TTC38: variants seen among roughly 807,000 people sequenced by gnomAD.
TTC38 encodes the protein tetratricopeptide repeat protein 38.
In TTC38, 64 loss-of-function variants were observed where a neutral mutation model predicts 64.2. The observed-to-expected ratio is 1.00, with a 90% CI of 0.81 to 1.23. TTC38 has a LOEUF of 1.23. Among genes scored for constraint, TTC38 ranks in the 50% most tolerant of loss-of-function variants. The pLI, the probability that TTC38 is intolerant of heterozygous loss-of-function variation, is 0.00. For missense variants in TTC38, 573 were observed against 615.5 expected, an observed-to-expected ratio of 0.93 and a Z score of 0.73; for synonymous variants, 254 against 249.3, an observed-to-expected ratio of 1.02 and a Z score of -0.18.
Position 46,273,451 on chromosome 22 carries a change from C to G in TTC38, c.194-447C>G, listed in dbSNP as rs541790454. On this transcript the variant is annotated intron_variant, in intron 3 of 13. Coordinates refer to ENST00000381031, the MANE Select transcript of TTC38 (RefSeq NM_017931.4). This position sits in a 1 kb window ranked among gnomAD's most constrained non-coding sequence, Gnocchi z 5.1. ...GGGCCACAAGGCACTCACCCCCACC[C>G]TAACTTTTAGCATGTGTGAGCAGCA... 8.5e-5 allele frequency among the ~76,000 whole-genome samples: 13 copies of G among 152,362 alleles called. No individual in the cohort carries two copies. Among genetic ancestry groups the G allele is most frequent in the South Asian group, 2.1e-4 (1 of 4,830 alleles).
chr22:46,289,643 T>C, intron 12 of TTC38, 82 bp downstream of exon 12: 1 of 1,511,394 alleles, frequency 6.6e-7, no homozygotes, highest in Non-Finnish European at 9.0e-7. Context: ...GTTTCTCCCA[T>C]GGTGTTGGTG....
At chr22:46,285,529 A>G (rs942998591) in intron 9 of TTC38, among the ~76,000 whole-genome samples, 7 of 151,802 alleles carry the variant, frequency 4.6e-5, no homozygotes, top group Non-Finnish European at 8.8e-5. Flanking sequence ...TAAGGGCCTC[A>G]CCTCTGCAAT....
chr22:46,269,020 T>C, intron 2 of TTC38: 1 of 358,792 alleles, frequency 2.8e-6, no homozygotes, highest in Non-Finnish European at 5.7e-6. Context: ...GCCATGACCT[T>C]AGCAATAGAT....
chr22:46,288,373 A>G lies in TTC38; in HGVS notation c.917-50A>G, dbSNP rs113078055. The G allele has an allele frequency of 8.4e-5, 132 of 1,573,532 alleles. No individual in the cohort carries two copies. The African/African-American group carries it at 1.3e-3, about 16-fold the overall frequency. ...CGTGAGGGAGGCCCTTGCACGGGACATGCCCCAGAGCCTCACTCCAGGCCC... is the reference window on the plus strand; with the variant it reads ...CGTGAGGGAGGCCCTTGCACGGGACGTGCCCCAGAGCCTCACTCCAGGCCC... On this transcript the variant is annotated intron_variant, in intron 10 of 13. Transcript: ENST00000381031.
At position 46,276,004 on chromosome 22, in the gene TTC38, T is replaced by C. The variant is rs551622999; in HGVS notation, c.539+583T>C. On this transcript the variant is annotated intron_variant, in intron 5 of 13. Transcript: ENST00000381031. The surrounding 1 kb of genome is among the most constrained non-coding windows in gnomAD (Gnocchi z 4.7). ...AAGAGAAGAAGGCCTGGAATGTGCA[T>C]GAACAGCCCCAGTGACCACCACACA... Among the ~76,000 whole-genome samples the C allele has an allele frequency of 6.6e-6, 1 of 151,690 alleles. No individual in the cohort carries two copies. The highest frequency in any genetic ancestry group is 1.5e-5 in the Non-Finnish European group (1 of 67,572).
Position 46,292,061 on chromosome 22 carries a change from G to T in TTC38, c.1317-730G>T. 3.1e-6 allele frequency: 1 copy of T among 324,628 alleles called. No homozygotes were observed. The highest frequency in any genetic ancestry group is 6.0e-6 in the Non-Finnish European group (1 of 165,530). The allele number at this position is 324,628 out of a possible 1,614,324, so 20.1% of individuals were successfully genotyped here. A position where few individuals can be genotyped will look rare whatever the true frequency, so the allele number is the denominator to read the frequency against. On this transcript the variant is annotated intron_variant, in intron 13 of 13. Coordinates refer to ENST00000381031, the MANE Select transcript of TTC38 (RefSeq NM_017931.4). This position sits in a 1 kb window ranked among gnomAD's most constrained non-coding sequence, Gnocchi z 6.5. Reference sequence around the variant, plus strand: ...AATGTCCAGGAACAAGGCCTGGCTGGGTTCAGTTTCTGCTGAGGCCTCTCT... The same window carrying T: ...AATGTCCAGGAACAAGGCCTGGCTGTGTTCAGTTTCTGCTGAGGCCTCTCT...
Position 46,281,873 on chromosome 22 carries a change from G to A in TTC38, c.735+155G>A, listed in dbSNP as rs191358589. The A allele has an allele frequency of 1.6e-5, 16 of 1,005,298 alleles. No homozygotes were observed. In the East Asian group the frequency reaches 3.6e-4, roughly 23 times the overall value. 62.3% of individuals were successfully genotyped at this position (1,005,298 alleles called of 1,614,324 possible). A position where few individuals can be genotyped will look rare whatever the true frequency, so the allele number is the denominator to read the frequency against. On this transcript the variant is annotated intron_variant, in intron 7 of 13. Transcript: ENST00000381031. The surrounding 1 kb of genome is among the most constrained non-coding windows in gnomAD (Gnocchi z 5.2). ...CACCTGCCTCAGGTGTTTGGCTGCTGAGCAGAATGCAATCAAGATTCCAGT... is the reference window on the plus strand; with the variant it reads ...CACCTGCCTCAGGTGTTTGGCTGCTAAGCAGAATGCAATCAAGATTCCAGT...
chr22:46,285,015 A>C (rs896493466), intron 8 of TTC38, among the ~76,000 whole-genome samples: 4 of 152,162 alleles, frequency 2.6e-5, no homozygotes, highest in African/African-American at 7.2e-5. Context: ...GTGGCGGCAC[A>C]GGTGCTGCTG....
chr22:46,290,023 G>C (rs553578211), intron 13 of TTC38, 124 bp downstream of exon 13: 2 of 857,902 alleles, frequency 2.3e-6, no homozygotes, highest in African/African-American at 3.3e-5. Context: ...CTGTGAGGTC[G>C]GGAGGCTGTG....
At position 46,281,610 on chromosome 22, in the gene TTC38, T is replaced by G. The variant is rs983777003; in HGVS notation, c.627T>G (p.Ile209Met). The change falls in exon 7 of 14, where the codon ATT (isoleucine) becomes ATG (methionine). Residue 209 changes from isoleucine to methionine, a missense_variant. Ile to Met is a conservative substitution (Grantham distance 10). Around this residue, in one of 3 missense-constraint regions of TTC38, gnomAD observed 371 missense variants for 381.8 expected, o/e 0.97. Coordinates refer to ENST00000381031, the MANE Select transcript of TTC38 (RefSeq NM_017931.4). This position sits in a 1 kb window ranked among gnomAD's most constrained non-coding sequence, Gnocchi z 5.2. The stretch of plus-strand genomic sequence containing the variant: ...CGCACCCTGCGTAGGCTTTATCTAT[T>G]AACCCGACAGACGCATGGTCGGTGC... The part of the protein sequence containing the change: ...AEKLAKEALS[I>M]NPTDAWSVHT... 4 of 1,614,120 alleles carry G rather than the reference T, an allele frequency of 2.5e-6. No individual in the cohort carries two copies.
rs1170683905 is a variant in TTC38 at position 46,289,473 on chromosome 22, A to G, written c.1154A>G (p.Glu385Gly). ...VGLPLCQALV[E>G]AEDGNPDRVL... ...CTGCCCCTGTGCCAGGCCCTGGTGG[A>G]GGCTGAGGACGGGAACCCTGACCGC... The change falls in exon 12 of 14, where the codon GAG (glutamate) becomes GGG (glycine). Residue 385 changes from glutamate to glycine, a missense_variant. Transcript: ENST00000381031. 5.6e-6 allele frequency: 9 copies of G among 1,609,200 alleles called. No homozygotes were observed. Among genetic ancestry groups the G allele is most frequent in the Non-Finnish European group, 6.8e-6 (8 of 1,179,700 alleles).
intron 9 of TTC38, among the ~76,000 whole-genome samples, chr22:46,286,014 C>CAAAAAAAAAAA (rs573736869): frequency 6.8e-5 from 5 of 73,978 alleles, no homozygotes; most frequent in African/African-American, 1.1e-4. Flanking sequence ...GACTCTGTCT[C>CAAAAAAAAAAA]AAAAAAAAAA....
chr22:46,292,258 A>G lies in TTC38; in HGVS notation c.1317-533A>G, dbSNP rs1212673906. The stretch of plus-strand genomic sequence containing the variant: ...GAATGCAGTGGTGTGATCACAGTTC[A>G]CTGTAAACTCAAACTCCTGGGCTCA... On this transcript the variant is annotated intron_variant, in intron 13 of 13. Coordinates refer to ENST00000381031, the MANE Select transcript of TTC38 (RefSeq NM_017931.4). The surrounding 1 kb of genome is among the most constrained non-coding windows in gnomAD (Gnocchi z 6.5). The G allele has an allele frequency of 2.3e-6, 1 of 442,704 alleles. No individual in the cohort carries two copies. The highest frequency in any genetic ancestry group is 4.5e-6 in the Non-Finnish European group (1 of 222,488). The allele number at this position is 442,704 out of a possible 1,614,324, so 27.4% of individuals were successfully genotyped here.
Position 46,276,737 on chromosome 22 carries a change from AT to A in TTC38, c.539+1317del, listed in dbSNP as rs1049279973. On this transcript the variant is annotated intron_variant, in intron 5 of 13. Coordinates refer to ENST00000381031, the MANE Select transcript of TTC38 (RefSeq NM_017931.4). This position sits in a 1 kb window ranked among gnomAD's most constrained non-coding sequence, Gnocchi z 4.7. ...TATTAAAAATATATATATTAAAAAAATATATATAAAATACATATATTAAAAA... is the reference window on the plus strand; with the variant it reads ...TATTAAAAATATATATATTAAAAAAAATATATAAAATACATATATTAAAAA... 1.8e-3 allele frequency among the ~76,000 whole-genome samples: 265 copies of A among 145,846 alleles called. 1 individual carries two copies. The highest frequency in any genetic ancestry group is 0.011 in the Middle Eastern group (3 of 274).
rs1420155184 is a variant in TTC38, at chr22:46,291,346, C to G, written c.1317-1445C>G. 6.6e-6 allele frequency among the ~76,000 whole-genome samples: 1 copy of G among 151,946 alleles called. No homozygotes were observed. Among genetic ancestry groups the G allele is most frequent in the Non-Finnish European group, 1.5e-5 (1 of 67,992 alleles). On this transcript the variant is annotated intron_variant, in intron 13 of 13. Transcript: ENST00000381031. The surrounding 1 kb of genome is among the most constrained non-coding windows in gnomAD (Gnocchi z 4.6). ...CTGGGGTGACATCTGTGGGGCAGTGCGGCAGTGCCGATGTGGCCTTCTGCG... is the reference window on the plus strand; with the variant it reads ...CTGGGGTGACATCTGTGGGGCAGTGGGGCAGTGCCGATGTGGCCTTCTGCG...
rs748873625 is a variant in TTC38, at chr22:46,272,837, G to C, written c.193+421G>C. 2.6e-5 allele frequency among the ~76,000 whole-genome samples: 4 copies of C among 152,092 alleles called. No homozygotes were observed. Among genetic ancestry groups the C allele is most frequent in the Non-Finnish European group, 5.9e-5 (4 of 68,014 alleles). On this transcript the variant is annotated intron_variant, in intron 3 of 13. Transcript: ENST00000381031. This position sits in a 1 kb window ranked among gnomAD's most constrained non-coding sequence, Gnocchi z 6.4. ...GTGGCTGCTGCAGCCTCCGTCAGGG[G>C]ACCAGTGAGGCCTCATCCAGAGTGG...
Position 46,270,482 on chromosome 22 carries a change from C to T in TTC38, c.112-1853C>T, listed in dbSNP as rs1569012557. ...CTAATGTGTGATTATAGGTCTAGGA[C>T]TTTTTTTAAAACAGGCATTTGAGTA... is the stretch of plus-strand genomic sequence containing the variant. On this transcript the variant is annotated intron_variant, in intron 2 of 13. Coordinates refer to ENST00000381031, the MANE Select transcript of TTC38 (RefSeq NM_017931.4). The surrounding 1 kb of genome is among the most constrained non-coding windows in gnomAD (Gnocchi z 4.7). 6.6e-6 allele frequency among the ~76,000 whole-genome samples: 1 copy of T among 152,140 alleles called. No homozygotes were observed. The highest frequency in any genetic ancestry group is 1.5e-5 in the Non-Finnish European group (1 of 68,030).
At chr22:46,277,082 CACAT>C (rs201578594) in intron 5 of TTC38, among the ~76,000 whole-genome samples, 23 of 149,852 alleles carry the variant, frequency 1.5e-4, no homozygotes, top group African/African-American at 4.2e-4. Flanking sequence ...CACACACACA[CACAT>C]ACATTTTAAA....
chr22:46,272,450 G>T lies in TTC38; in HGVS notation c.193+34G>T. On this transcript the variant is annotated intron_variant, in intron 3 of 13. Coordinates refer to ENST00000381031, the MANE Select transcript of TTC38 (RefSeq NM_017931.4). This position sits in a 1 kb window ranked among gnomAD's most constrained non-coding sequence, Gnocchi z 6.4. ...CGCCTTCCCTGGGTGGAGGAGCCCC[G>T]CTTCACACATCCAGCCCCTCTCTTT... 6.5e-7 allele frequency: 1 copy of T among 1,540,264 alleles called. No individual in the cohort carries two copies. The highest frequency in any genetic ancestry group is 9.0e-7 in the Non-Finnish European group (1 of 1,113,580).
Sources: allele counts gnomAD v4.1 joint callset (sites outside exome capture counted in the v4.1 genomes callset), GRCh38; gene constraint gnomAD v4.1.1; regional missense constraint gnomAD v4.1.1; non-coding constraint Gnocchi (gnomAD v3.1); transcripts MANE v1.5; gene names NCBI Gene and HGNC (gene_info 2026-07-23, HGNC 2026-07-21).